Variants in WWOX observed in about 807,000 individuals in gnomAD.
WWOX encodes the protein WW domain-containing oxidoreductase.
In WWOX, 69 loss-of-function variants were observed where a neutral mutation model predicts 46.2. The observed-to-expected ratio is 1.49, with a 90% CI of 1.23 to 1.82. The LOEUF (loss-of-function observed/expected upper bound fraction) is 1.82. Among genes scored for constraint, WWOX ranks in the 40% most tolerant of loss-of-function variants. The pLI, the probability that WWOX is intolerant of heterozygous loss-of-function variation, is 0.00. For missense variants in WWOX, 919 were observed against 542.6 expected (o/e 1.69, Z -6.89); for synonymous variants, 359 against 202.6 (o/e 1.77, Z -6.56).
intron 8 of WWOX, among the ~76,000 whole-genome samples, chr16:79,062,806 C>G (rs9923032): frequency 6.6e-6 from 1 of 152,084 alleles, no homozygotes. Flanking sequence ...CTAACAGCCC[C>G]TTGAACAGTG....
At chr16:78,466,789 A>C (rs1329154099) in intron 8 of WWOX, among the ~76,000 whole-genome samples, 1 of 152,206 alleles carries the variant, frequency 6.6e-6, no homozygotes, top group African/African-American at 2.4e-5. Context: ...CAGAGGTTGC[A>C]GTGAGCCGAT....
Position 78,567,585 on chromosome 16 carries a change from T to TG in WWOX, c.1056+134833_1056+134834insG, listed in dbSNP as rs1219797854. Among the ~76,000 whole-genome samples the TG allele has an allele frequency of 2.7e-5, 4 of 149,078 alleles. No individual in the cohort carries two copies. In the East Asian group the frequency reaches 7.9e-4, roughly 29 times the overall value. On this transcript the variant is annotated intron_variant, in intron 8 of 8. Transcript: ENST00000566780. ...AAAAAAAAAAAAAAAAGAAGTGAGT[T>TG]TTTTTTGTGTATTCTGAAAGGTTCC...
At chr16:78,589,863 AG>A (rs1431747125) in intron 8 of WWOX, among the ~76,000 whole-genome samples, 1 of 152,114 alleles carries the variant, frequency 6.6e-6, no homozygotes, top group African/African-American at 2.4e-5. Flanking sequence ...CTTAGCTGCA[AG>A]GGGGGAAAAA....
intron 8 of WWOX, among the ~76,000 whole-genome samples, chr16:78,887,610 A>G (rs1487368753): frequency 2.0e-5 from 3 of 152,090 alleles, no homozygotes; most frequent in African/African-American, 7.2e-5. Context: ...GCCAAAATCC[A>G]TCAGCCAATG....
chr16:78,885,937 T>C (rs1474120855), intron 8 of WWOX, among the ~76,000 whole-genome samples: 1 of 151,294 alleles, frequency 6.6e-6, no homozygotes, highest in African/African-American at 2.4e-5. Flanking sequence ...TTTTTTTTTT[T>C]TTTTTGAGAC....
chr16:78,603,861 G>A (rs992098292), intron 8 of WWOX, among the ~76,000 whole-genome samples: 1 of 152,194 alleles, frequency 6.6e-6, no homozygotes, highest in East Asian at 1.9e-4. Context: ...ATTAGAAGCT[G>A]GCTGACATAG....
chr16:78,588,839 C>T (rs1179300903), intron 8 of WWOX, among the ~76,000 whole-genome samples: 1 of 151,936 alleles, frequency 6.6e-6, no homozygotes, highest in Non-Finnish European at 1.5e-5. Flanking sequence ...GCAGGTTTAC[C>T]CAGGGTGGTG....
intron 8 of WWOX, among the ~76,000 whole-genome samples, chr16:79,165,261 C>A (rs1301283170): frequency 1.3e-5 from 2 of 152,010 alleles, no homozygotes; most frequent in East Asian, 3.9e-4. Context: ...CATCCAATGA[C>A]CTTGCCATTG....
At chr16:78,314,697 T>TTG (rs1555517846) in intron 5 of WWOX, among the ~76,000 whole-genome samples, 3 of 67,622 alleles carry the variant, frequency 4.4e-5, no homozygotes, top group African/African-American at 3.5e-4. Context: ...GGTTTTTTTT[T>TTG]TTTGTTTTTT....
intron 5 of WWOX, among the ~76,000 whole-genome samples, chr16:78,204,727 G>A (rs540069656): frequency 6.6e-6 from 1 of 152,288 alleles, no homozygotes; most frequent in South Asian, 2.1e-4. Context: ...AAGGCCCTGA[G>A]AAATACCTGA....
chr16:78,509,937 A>AG (rs889713185), intron 8 of WWOX, among the ~76,000 whole-genome samples: 3 of 151,536 alleles, frequency 2.0e-5, no homozygotes, highest in African/African-American at 7.3e-5. Context: ...AAAAAAAAAA[A>AG]AAAAGAAAGA....
intron 5 of WWOX, among the ~76,000 whole-genome samples, chr16:78,193,908 C>T (rs539370288): frequency 4.1e-4 from 62 of 150,934 alleles, no homozygotes; most frequent in Admixed American, 1.9e-3. Context: ...GACGGACTCT[C>T]GCACTGTCGC....
intron 8 of WWOX, among the ~76,000 whole-genome samples, chr16:79,072,720 C>G (rs2048574796): frequency 6.6e-6 from 1 of 152,212 alleles, no homozygotes; most frequent in Non-Finnish European, 1.5e-5. Context: ...CCACAACAGC[C>G]TCTTCTTTTC....
At chr16:79,055,690 AC>A (rs930528187) in intron 8 of WWOX, among the ~76,000 whole-genome samples, 1 of 152,232 alleles carries the variant, frequency 6.6e-6, no homozygotes, top group African/African-American at 2.4e-5. Context: ...ACCAGAGCAA[AC>A]ACCCAAGGGC....
At chr16:78,140,213 G>A (rs987997751) in intron 4 of WWOX, among the ~76,000 whole-genome samples, 4 of 152,128 alleles carry the variant, frequency 2.6e-5, no homozygotes, top group Non-Finnish European at 5.9e-5. Context: ...TGCATGAGAG[G>A]TGCCCGATAC....
chr16:78,617,263 G>C (rs551914715), intron 8 of WWOX, among the ~76,000 whole-genome samples: 1 of 152,028 alleles, frequency 6.6e-6, no homozygotes, highest in Non-Finnish European at 1.5e-5. Flanking sequence ...TTAGGTGGGC[G>C]TGGTGGCGTG....
Position 78,579,917 on chromosome 16 carries a change from C to T in WWOX, c.1056+147165C>T, listed in dbSNP as rs182685869. 4.4e-3 allele frequency among the ~76,000 whole-genome samples: 669 copies of T among 152,248 alleles called. 2 individuals are homozygous for T. The highest frequency in any genetic ancestry group is 7.0e-3 in the Non-Finnish European group (478 of 68,024). ...GTCTCTGCATTTCACTCCGAGCCAT[C>T]GACTTCTGTTCTGAATGTTAAAATG... On this transcript the variant is annotated intron_variant, in intron 8 of 8. Transcript: ENST00000566780.
At chr16:78,329,150 C>T (rs780286858) in intron 5 of WWOX, among the ~76,000 whole-genome samples, 53 of 152,164 alleles carry the variant, frequency 3.5e-4, no homozygotes, top group Non-Finnish European at 6.0e-4. Flanking sequence ...TGTGAGCTAC[C>T]GCACCCAGCC....
At position 78,809,362 on chromosome 16, in the gene WWOX, A is replaced by G. The variant is rs192376194; in HGVS notation, c.1056+376610A>G. ...CCACCGTGGTATTCTAGGAAGAAAA[A>G]AGCATTTTTCGAATGAAAACTTTTT... On this transcript the variant is annotated intron_variant, in intron 8 of 8. Coordinates refer to ENST00000566780, the MANE Select transcript of WWOX (RefSeq NM_016373.4). Among the ~76,000 whole-genome samples, 459 of 151,970 alleles carry G rather than the reference A, an allele frequency of 3.0e-3. 1 individual carries two copies. Among genetic ancestry groups the G allele is most frequent in the Non-Finnish European group, 5.4e-3 (365 of 67,966 alleles).
Sources: gnomAD v4.1 joint callset for allele counts (sites outside exome capture counted in the v4.1 genomes callset) on GRCh38, gnomAD v4.1.1 for gene constraint, MANE v1.5 for transcripts, NCBI Gene and HGNC (gene_info 2026-07-23, HGNC 2026-07-21) for gene names.